Variants in GLIS3 observed in about 807,000 individuals in gnomAD.
GLIS3 encodes GLIS family zinc finger 3.
Under a neutral mutation model 78.6 loss-of-function variants are expected in GLIS3, and 53 were observed. The ratio of observed to expected loss-of-function variants is 0.67; its 90% CI spans 0.54 to 0.85. The LOEUF (loss-of-function observed/expected upper bound fraction) is 0.85. Ranked by LOEUF, GLIS3 falls within the 40% of genes least tolerant of loss-of-function variation. The pLI is 0.00. For missense variants in GLIS3, 1,703 were observed against 1,231.1 expected, an observed-to-expected ratio of 1.38 and a Z score of -5.74; for synonymous variants, 684 against 509.9, an observed-to-expected ratio of 1.34 and a Z score of -4.60.
the GLIS3 span, among the ~76,000 whole-genome samples, chr9:4,359,367 T>A: frequency 6.6e-6 from 1 of 152,204 alleles, no homozygotes; most frequent in South Asian, 2.1e-4. Context: ...GGAATCACTG[T>A]CCTTAGAAAC....
intron 4 of GLIS3, among the ~76,000 whole-genome samples, chr9:4,072,562 T>C (rs900997698): frequency 1.3e-5 from 2 of 152,224 alleles, no homozygotes; most frequent in Admixed American, 1.3e-4. Context: ...ATAGTCATTA[T>C]TGAGCTATCA....
intron 2 of GLIS3, among the ~76,000 whole-genome samples, chr9:4,202,229 C>A (rs1819469045): frequency 1.4e-5 from 2 of 144,672 alleles, no homozygotes; most frequent in East Asian, 2.1e-4. Context: ...CGGCTCACTG[C>A]AAGCTCTGCC....
At chr9:4,096,330 T>C (rs894304070) in intron 4 of GLIS3, among the ~76,000 whole-genome samples, 33 of 152,322 alleles carry the variant, frequency 2.2e-4, no homozygotes, top group African/African-American at 7.7e-4. Flanking sequence ...ATACAGTGAA[T>C]CACTCCTACA....
intron 4 of GLIS3, among the ~76,000 whole-genome samples, chr9:4,307,126 C>T (rs528605363): frequency 2.3e-4 from 35 of 152,234 alleles, no homozygotes; most frequent in African/African-American, 6.0e-4. Flanking sequence ...GAGCAAAGTA[C>T]GTAAGATTCT....
chr9:4,039,189 G>A (rs1474880419), intron 4 of GLIS3, among the ~76,000 whole-genome samples: 1 of 152,078 alleles, frequency 6.6e-6, no homozygotes, highest in Non-Finnish European at 1.5e-5. Flanking sequence ...ATTTAATAGG[G>A]CACCTGGTTA....
rs571264068 is a variant in GLIS3, at chr9:4,248,990, A to C, written c.388+37048T>G. Among the ~76,000 whole-genome samples, 6 of 152,114 alleles carry C rather than the reference A, an allele frequency of 3.9e-5. No homozygotes were observed. In the South Asian group the frequency reaches 1.2e-3, roughly 32 times the overall value. ...TCTGTTCTGTTCCATTAGTCTATAT[A>C]TCTATTTTGGTACAAGTACCATGCT... On this transcript the variant is annotated intron_variant, in intron 2 of 10. Transcript: ENST00000381971.
intron 2 of GLIS3, among the ~76,000 whole-genome samples, chr9:4,328,599 C>G (rs1817637101): frequency 6.6e-6 from 1 of 152,216 alleles, no homozygotes; most frequent in Non-Finnish European, 1.5e-5. Flanking sequence ...GACTTCTGAA[C>G]CAAATCATGA....
intron 4 of GLIS3, among the ~76,000 whole-genome samples, chr9:3,987,678 CAA>C (rs1216604051): frequency 1.6e-5 from 2 of 125,484 alleles, no homozygotes; most frequent in African/African-American, 6.0e-5. Flanking sequence ...GTCTGGGCGA[CAA>C]GAGTGAAACA....
At chr9:4,360,558 C>T in the GLIS3 span, among the ~76,000 whole-genome samples, 2 of 152,256 alleles carry the variant, frequency 1.3e-5, no homozygotes, top group East Asian at 1.9e-4. Flanking sequence ...CTCATTTATT[C>T]CTCACCTTAA....
intron 4 of GLIS3, among the ~76,000 whole-genome samples, chr9:4,024,769 C>A (rs1215566180): frequency 6.6e-6 from 1 of 152,206 alleles, no homozygotes; most frequent in Admixed American, 6.5e-5. Context: ...TCAATTGTCA[C>A]AATCTTTCCC....
the GLIS3 span, among the ~76,000 whole-genome samples, chr9:4,357,454 C>G: frequency 6.6e-6 from 1 of 152,182 alleles, no homozygotes; most frequent in African/African-American, 2.4e-5. Context: ...TCTCCTGCTT[C>G]TCAGGCCTCC....
At chr9:4,322,527 A>AT (rs771393982) in intron 2 of GLIS3, among the ~76,000 whole-genome samples, 3 of 152,156 alleles carry the variant, frequency 2.0e-5, no homozygotes, top group Non-Finnish European at 4.4e-5. Context: ...AATAGTGTAA[A>AT]AGTCTTCCTA....
At chr9:4,243,703 T>A (rs1382556243) in intron 2 of GLIS3, among the ~76,000 whole-genome samples, 1 of 152,168 alleles carries the variant, frequency 6.6e-6, no homozygotes, top group Non-Finnish European at 1.5e-5. Context: ...TCAAAATGCC[T>A]CCCTGGCAGT....
intron 4 of GLIS3, 150 bp from the exon 5 acceptor site, chr9:3,937,339 A>G: frequency 1.3e-6 from 1 of 774,272 alleles, no homozygotes; most frequent in Non-Finnish European, 2.1e-6. Flanking sequence ...TTGCTCCTAA[A>G]AATATCCGAA....
chr9:4,454,070 T>C, the GLIS3 span, among the ~76,000 whole-genome samples: 1 of 150,824 alleles, frequency 6.6e-6, no homozygotes, highest in Non-Finnish European at 1.5e-5. Context: ...ATCAGCTTTA[T>C]TGAGGTATAT....
chr9:4,485,392 A>T, the GLIS3 span, among the ~76,000 whole-genome samples: 1 of 152,236 alleles, frequency 6.6e-6, no homozygotes, highest in South Asian at 2.1e-4. Context: ...CCACAAATCA[A>T]CCAGTCCTGT....
At chr9:4,216,337 G>C (rs1465729524) in intron 2 of GLIS3, among the ~76,000 whole-genome samples, 3 of 152,024 alleles carry the variant, frequency 2.0e-5, no homozygotes, top group African/African-American at 7.2e-5. Context: ...GCCGGGCGTG[G>C]TGGCGGGTGC....
chr9:4,266,099 T>C (rs896577452), intron 2 of GLIS3, among the ~76,000 whole-genome samples: 5 of 151,996 alleles, frequency 3.3e-5, no homozygotes, highest in African/African-American at 1.2e-4. Flanking sequence ...TTTGTATTTT[T>C]AGTAGAGACA....
intron 4 of GLIS3, among the ~76,000 whole-genome samples, chr9:4,068,658 C>T (rs528386937): frequency 1.3e-5 from 2 of 152,176 alleles, no homozygotes; most frequent in Non-Finnish European, 2.9e-5. Context: ...CATTTGTCAT[C>T]ACCTGCAAAG....
Sources: gnomAD v4.1 joint callset for allele counts (sites outside exome capture counted in the v4.1 genomes callset) on GRCh38, gnomAD v4.1.1 for gene constraint, MANE v1.5 for transcripts, NCBI Gene and HGNC (gene_info 2026-07-23, HGNC 2026-07-21) for gene names.